The following ANKRD31 variants were observed in gnomAD, a reference collection of about 807,000 sequenced individuals.
ANKRD31 encodes ankyrin repeat domain 31, also known as ankyrin repeat domain-containing protein 31.
Under a neutral mutation model 186.0 loss-of-function variants are expected in ANKRD31, and 147 were observed. The ratio of observed to expected loss-of-function variants is 0.79; its 90% CI spans 0.69 to 0.91. ANKRD31 has a LOEUF of 0.91. Among genes scored for constraint, ANKRD31 ranks in the 40% least tolerant of loss-of-function variants. The pLI is 0.00. For missense variants in ANKRD31, 1,986 were observed against 2,148.8 expected, an observed-to-expected ratio of 0.92 and a Z score of 1.50; for synonymous variants, 673 against 736.4, an observed-to-expected ratio of 0.91 and a Z score of 1.39.
chr5:75,130,008 G>C (rs1348704493), intron 17 of ANKRD31, among the ~76,000 whole-genome samples: 2 of 152,206 alleles, frequency 1.3e-5, no homozygotes, highest in African/African-American at 4.8e-5. Context: ...CAAGAATGAA[G>C]CTGTGGACCC....
Position 75,069,290 on chromosome 5 carries a change from C to T in ANKRD31, c.5648-626G>A, listed in dbSNP as rs576338950. Among the ~76,000 whole-genome samples the T allele has an allele frequency of 1.7e-3, 249 of 150,816 alleles. 3 individuals carry two copies. Among genetic ancestry groups the T allele is most frequent in the Non-Finnish European group, 2.5e-3 (167 of 67,660 alleles). On this transcript the variant is annotated intron_variant, in intron 25 of 25. Transcript: ENST00000506364. Reference sequence around the variant, plus strand: ...AGTCTGAGAGATTTTTTTTTTTCTTCTCTGAGATTGGCTATATGAGCTGTA... The same window carrying T: ...AGTCTGAGAGATTTTTTTTTTTCTTTTCTGAGATTGGCTATATGAGCTGTA...
In ANKRD31 at chr5:75,146,701, C is replaced by T. The variant is rs771705884; in HGVS notation, c.2710G>A (p.Asp904Asn). ...GCCTTCTCAGAGGTAGAGCAATCAT[C>T]ATCATCATCATTATCAGAATTTTCC... ...VKENSDNDDD[D>N]DCSTSEKAIT... Residue 904 changes from aspartate (D) to asparagine (N), a missense_variant, in exon 14 of 26, where the codon GAT becomes AAT. Transcript: ENST00000506364. 4.6e-6 allele frequency: 7 copies of T among 1,536,250 alleles called. 1 individual carries two copies. In the South Asian group the frequency reaches 8.3e-5, roughly 18 times the overall value.
At chr5:75,107,806 T>C (rs1479613991) in intron 20 of ANKRD31, among the ~76,000 whole-genome samples, 189 bp from the exon 21 acceptor site, 1 of 151,998 alleles carries the variant, frequency 6.6e-6, no homozygotes, top group Non-Finnish European at 1.5e-5. Context: ...CCCTGAAGTG[T>C]ATAGATAAGA....
chr5:75,129,211 C>A (rs1749524566), intron 17 of ANKRD31, among the ~76,000 whole-genome samples: 1 of 152,194 alleles, frequency 6.6e-6, no homozygotes, highest in Non-Finnish European at 1.5e-5. Context: ...GCCTACTACC[C>A]TTCACCTTCC....
At chr5:75,206,708 G>T (rs1397529280) in intron 4 of ANKRD31, among the ~76,000 whole-genome samples, 1 of 152,080 alleles carries the variant, frequency 6.6e-6, no homozygotes, top group African/African-American at 2.4e-5. Flanking sequence ...AATAATAAAT[G>T]ACCTGAGGAG....
chr5:75,161,135 G>A (rs966794126), intron 11 of ANKRD31, among the ~76,000 whole-genome samples: 13 of 152,150 alleles, frequency 8.5e-5, no homozygotes, highest in Admixed American at 3.3e-4. Flanking sequence ...GGTACAGTTC[G>A]GAGGGCTCAG....
intron 24 of ANKRD31, among the ~76,000 whole-genome samples, chr5:75,082,609 G>A (rs1745169734): frequency 6.6e-6 from 1 of 152,062 alleles, no homozygotes; most frequent in African/African-American, 2.4e-5. Flanking sequence ...ATCTGATAAA[G>A]GGTATTAGTT....
intron 22 of ANKRD31, among the ~76,000 whole-genome samples, chr5:75,094,871 A>G (rs914353688): frequency 6.6e-6 from 1 of 152,144 alleles, no homozygotes; most frequent in African/African-American, 2.4e-5. Context: ...CAACCACAAG[A>G]AAGCTGGAAT....
At chr5:75,141,962 C>A (rs946487358) in intron 15 of ANKRD31, among the ~76,000 whole-genome samples, 1 of 152,118 alleles carries the variant, frequency 6.6e-6, no homozygotes, top group Admixed American at 6.6e-5. Context: ...GTTTGTACAG[C>A]ATTTGACTAA....
chr5:75,094,860 G>A (rs867602119), intron 22 of ANKRD31, among the ~76,000 whole-genome samples: 1 of 151,924 alleles, frequency 6.6e-6, no homozygotes, highest in Non-Finnish European at 1.5e-5. Context: ...CATATAAACC[G>A]CAACCACAAG....
chr5:75,099,785 G>C (rs1262179404), intron 22 of ANKRD31, among the ~76,000 whole-genome samples: 2 of 152,066 alleles, frequency 1.3e-5, no homozygotes, highest in Admixed American at 6.6e-5. Context: ...ATATAACCTT[G>C]ATCATTTTTT....
chr5:75,152,344 C>T (rs772245417), intron 12 of ANKRD31, among the ~76,000 whole-genome samples: 10 of 151,988 alleles, frequency 6.6e-5, no homozygotes, highest in South Asian at 2.1e-4. Context: ...AGGTTTCCAC[C>T]GCCAGCCTAA....
At chr5:75,071,410 A>C (rs1389432752) in intron 25 of ANKRD31, among the ~76,000 whole-genome samples, 1 of 151,274 alleles carries the variant, frequency 6.6e-6, no homozygotes, top group East Asian at 1.9e-4. Flanking sequence ...ACTTTCCACA[A>C]TGTTATATGA....
chr5:75,081,267 T>C (rs1414277487), intron 24 of ANKRD31, among the ~76,000 whole-genome samples: 1 of 151,970 alleles, frequency 6.6e-6, no homozygotes, highest in African/African-American at 2.4e-5. Flanking sequence ...CATTAAAATT[T>C]CCTTTTCTTT....
intron 15 of ANKRD31, among the ~76,000 whole-genome samples, 166 bp from the exon 16 acceptor site, chr5:75,139,149 A>G (rs1381289277): frequency 6.6e-6 from 1 of 152,220 alleles, no homozygotes; most frequent in African/African-American, 2.4e-5. Context: ...TTCTGAAGAA[A>G]TAATAAGCAT....
chr5:75,197,340 G>A (rs548021351), intron 6 of ANKRD31, among the ~76,000 whole-genome samples: 50 of 152,118 alleles, frequency 3.3e-4, no homozygotes, highest in African/African-American at 9.9e-4. Flanking sequence ...ACTTTTTATC[G>A]GCCTTAAATA....
chr5:75,214,449 A>G (rs1035656377), intron 3 of ANKRD31, among the ~76,000 whole-genome samples: 1 of 152,230 alleles, frequency 6.6e-6, no homozygotes, highest in African/African-American at 2.4e-5. Context: ...TAACTTTAGA[A>G]AAATCACATT....
chr5:75,195,766 G>A lies in ANKRD31; in HGVS notation c.882C>T (p.Asn294=), dbSNP rs746931807. The change falls in exon 7 of 26, where the codon AAC becomes AAT. Residue 294 remains asparagine (N), a synonymous_variant. Transcript: ENST00000506364. The part of the protein sequence containing the change: ...ALPAELLEAL[N]TLSEAKVETI... ...TTTCCACCTTGGCTTCTGACAATGT[G>A]TTCAGGGCTTCCAATAACTCAGCTG... The A allele has an allele frequency of 9.1e-6, 14 of 1,537,338 alleles. No individual in the cohort carries two copies. The highest frequency in any genetic ancestry group is 2.0e-5 in the Admixed American group (1 of 50,960).
chr5:75,169,185 C>T, intron 10 of ANKRD31, 64 bp from the exon 11 acceptor site: 2 of 1,479,196 alleles, frequency 1.4e-6, no homozygotes, highest in Non-Finnish European at 1.8e-6. Context: ...TTGTGCTTGC[C>T]CTTAAAAAAC....
Sources: gnomAD v4.1 joint callset for allele counts (sites outside exome capture counted in the v4.1 genomes callset) on GRCh38, gnomAD v4.1.1 for gene constraint, MANE v1.5 for transcripts, NCBI Gene and HGNC (gene_info 2026-07-23, HGNC 2026-07-21) for gene names.